GMDS: variants seen among roughly 807,000 people sequenced by gnomAD.
GMDS encodes GDP-mannose 4,6-dehydratase.
A neutral mutation model predicts 49.9 loss-of-function variants in GMDS; 20 were observed. The ratio of observed to expected loss-of-function variants is 0.40; its 90% confidence interval spans 0.28 to 0.58. GMDS has a LOEUF of 0.58. Ranked by LOEUF, GMDS falls within the 20% of genes least tolerant of loss-of-function variation. The pLI, the probability that GMDS is intolerant of heterozygous loss-of-function variation, is 0.42. For missense variants in GMDS, 362 were observed against 481.4 expected, an observed-to-expected ratio of 0.75 and a Z score of 2.32; for synonymous variants, 177 against 178.6, an observed-to-expected ratio of 0.99 and a Z score of 0.07.
At chr6:2,153,533 C>A (rs1168102750) in intron 1 of GMDS, among the ~76,000 whole-genome samples, 2 of 151,968 alleles carry the variant, frequency 1.3e-5, no homozygotes, top group Non-Finnish European at 2.9e-5. Flanking sequence ...AGTTGATGAA[C>A]AGGCAATTAA....
intron 7 of GMDS, among the ~76,000 whole-genome samples, chr6:1,776,420 G>A (rs1163411172): frequency 6.6e-6 from 1 of 151,990 alleles, no homozygotes; most frequent in African/African-American, 2.4e-5. Context: ...AGGTGTGGTG[G>A]CTCACATCTG....
rs543059008 is a variant in GMDS, at chr6:2,024,530, T to G, written c.346-63564A>C. On this transcript the variant is annotated intron_variant, in intron 4 of 10. Coordinates refer to ENST00000380815, the MANE Select transcript of GMDS (RefSeq NM_001500.4). Reference sequence around the variant, plus strand: ...GGGAAGTAGCAGTTCAGGGTTAAAGTGTTCTCAGTAGGCAATGGGAACTAT... The same window carrying G: ...GGGAAGTAGCAGTTCAGGGTTAAAGGGTTCTCAGTAGGCAATGGGAACTAT... Among the ~76,000 whole-genome samples, 12 of 152,230 alleles carry G rather than the reference T, an allele frequency of 7.9e-5. No homozygotes were observed. The East Asian group carries it at 1.9e-3, about 24-fold the overall frequency.
Position 2,182,179 on chromosome 6 carries a change from T to C in GMDS, c.103-57448A>G, listed in dbSNP as rs147352338. 6.1e-4 allele frequency among the ~76,000 whole-genome samples: 93 copies of C among 152,350 alleles called. 3 individuals are homozygous for C. In the East Asian group the frequency reaches 0.014, roughly 23 times the overall value. The stretch of plus-strand genomic sequence containing the variant: ...GCCTAATCCAGAGCAAGGCTCTAAC[T>C]CTCTTCAATTCTATTATATGATGGT... On this transcript the variant is annotated intron_variant, in intron 1 of 10. Coordinates refer to ENST00000380815, the MANE Select transcript of GMDS (RefSeq NM_001500.4).
At chr6:1,930,460 GTTT>G in intron 6 of GMDS, 2 of 397,002 alleles carry the variant, frequency 5.0e-6, no homozygotes. Context: ...CAGAACAAAC[GTTT>G]TTCTTTGGGG....
intron 7 of GMDS, among the ~76,000 whole-genome samples, chr6:1,868,262 G>A (rs1758538181): frequency 6.6e-6 from 1 of 152,124 alleles, no homozygotes; most frequent in African/African-American, 2.4e-5. Context: ...TGGGATTACA[G>A]GCGTGATCCA....
intron 9 of GMDS, among the ~76,000 whole-genome samples, chr6:1,720,767 G>C (rs571685659): frequency 8.5e-5 from 13 of 152,292 alleles, no homozygotes; most frequent in Non-Finnish European, 5.9e-5. Flanking sequence ...GAACAAAGAA[G>C]AGCAGGGGTG....
chr6:2,082,791 T>C (rs868163105), intron 4 of GMDS, among the ~76,000 whole-genome samples: 1 of 152,248 alleles, frequency 6.6e-6, no homozygotes, highest in African/African-American at 2.4e-5. Flanking sequence ...TTATAAAACA[T>C]ATTTCTTACT....
chr6:2,035,184 C>A (rs1291317014), intron 4 of GMDS, among the ~76,000 whole-genome samples: 1 of 152,152 alleles, frequency 6.6e-6, no homozygotes, highest in Non-Finnish European at 1.5e-5. Flanking sequence ...TGGCCTCAAG[C>A]CAGGCTACAC....
intron 7 of GMDS, 78 bp downstream of exon 7, chr6:1,930,025 A>G (rs1762215712): frequency 1.6e-5 from 21 of 1,333,026 alleles, no homozygotes; most frequent in Middle Eastern, 1.9e-4. Context: ...TCTAGGTCAC[A>G]CTTTTTCACT....
chr6:2,017,189 G>A (rs892970278), intron 4 of GMDS, among the ~76,000 whole-genome samples: 9 of 152,094 alleles, frequency 5.9e-5, no homozygotes, highest in African/African-American at 9.7e-5. Flanking sequence ...GAGGGTGGAG[G>A]AGAGGAGCGT....
intron 9 of GMDS, among the ~76,000 whole-genome samples, chr6:1,642,944 C>G (rs1366097415): frequency 2.0e-5 from 3 of 152,178 alleles, no homozygotes; most frequent in Non-Finnish European, 2.9e-5. Context: ...TAGCTCTTCA[C>G]AGAGAATCTT....
At chr6:2,033,057 T>C (rs923959175) in intron 4 of GMDS, among the ~76,000 whole-genome samples, 6 of 152,242 alleles carry the variant, frequency 3.9e-5, no homozygotes, top group South Asian at 2.1e-4. Flanking sequence ...ATGCAAACAG[T>C]TGAATGAATT....
chr6:2,052,296 A>G (rs1770467093), intron 4 of GMDS, among the ~76,000 whole-genome samples: 1 of 152,126 alleles, frequency 6.6e-6, no homozygotes. Flanking sequence ...TTGAACCTTT[A>G]TATTACAAAG....
rs150961141 is a variant in GMDS at position 2,206,358 on chromosome 6, C to T, written c.102+38963G>A. Reference sequence around the variant, plus strand: ...ATCGGATGCTTCTGGGTTCTCAACCCAAGTGGAGTGTGGTCAGACTCCAGG... The same window carrying T: ...ATCGGATGCTTCTGGGTTCTCAACCTAAGTGGAGTGTGGTCAGACTCCAGG... On this transcript the variant is annotated intron_variant, in intron 1 of 10. Coordinates refer to ENST00000380815, the MANE Select transcript of GMDS (RefSeq NM_001500.4). Among the ~76,000 whole-genome samples the T allele has an allele frequency of 1.7e-3, 258 of 152,142 alleles. 3 individuals are homozygous for T. The highest frequency in any genetic ancestry group is 0.015 in the East Asian group (80 of 5,180).
At chr6:1,689,033 T>C (rs1171501627) in intron 9 of GMDS, among the ~76,000 whole-genome samples, 1 of 152,164 alleles carries the variant, frequency 6.6e-6, no homozygotes, top group East Asian at 1.9e-4. Flanking sequence ...CATTGAAAAA[T>C]GAGGCTCTGA....
chr6:1,994,592 A>T (rs928334556), intron 4 of GMDS, among the ~76,000 whole-genome samples: 5 of 152,080 alleles, frequency 3.3e-5, no homozygotes, highest in African/African-American at 1.2e-4. Context: ...TGGGTCTCAT[A>T]GATGCAAAGC....
At chr6:2,088,107 T>TAA (rs112964788) in intron 4 of GMDS, among the ~76,000 whole-genome samples, 6 of 142,248 alleles carry the variant, frequency 4.2e-5, no homozygotes, top group African/African-American at 1.5e-4. Context: ...ATGTAGAAAG[T>TAA]AAAAAAAAAA....
At chr6:2,138,896 T>A (rs1776142694) in intron 1 of GMDS, among the ~76,000 whole-genome samples, 1 of 152,214 alleles carries the variant, frequency 6.6e-6, no homozygotes, top group Non-Finnish European at 1.5e-5. Flanking sequence ...CATCATGAAG[T>A]CCCTAGTCTC....
At chr6:2,106,143 T>C (rs1045839336) in intron 4 of GMDS, among the ~76,000 whole-genome samples, 6 of 152,228 alleles carry the variant, frequency 3.9e-5, no homozygotes, top group Admixed American at 2.0e-4. Context: ...TACCTACTAA[T>C]CACTCATCTT....
Sources: allele counts gnomAD v4.1 joint callset (sites outside exome capture counted in the v4.1 genomes callset), GRCh38; gene constraint gnomAD v4.1.1; transcripts MANE v1.5; gene names NCBI Gene and HGNC (gene_info 2026-07-23, HGNC 2026-07-21).